The following PTCSC3 variants were observed in gnomAD, a reference collection of about 807,000 sequenced individuals.
PTCSC3 encodes papillary thyroid carcinoma susceptibility candidate 3 (non-protein coding).
At chr14:36,157,034 T>C (rs955529919) in intron 2 of PTCSC3, among the ~76,000 whole-genome samples, 1 of 152,196 alleles carries the variant, frequency 6.6e-6, no homozygotes, top group African/African-American at 2.4e-5. Flanking sequence ...CCACCAACAG[T>C]GTAAAAGCTT....
At chr14:36,160,722 A>G (rs886459356) in intron 2 of PTCSC3, among the ~76,000 whole-genome samples, 7 of 151,612 alleles carry the variant, frequency 4.6e-5, no homozygotes, top group African/African-American at 1.7e-4. Context: ...CTTCTTGAAG[A>G]GTATCTTTGT....
At chr14:36,151,489 C>T (rs1299781747) in intron 3 of PTCSC3, among the ~76,000 whole-genome samples, 1 of 152,110 alleles carries the variant, frequency 6.6e-6, no homozygotes, top group Non-Finnish European at 1.5e-5. Flanking sequence ...TCATTCTTCT[C>T]CTAGTATTCC....
At chr14:36,154,565 T>C (rs903325231) in intron 2 of PTCSC3, among the ~76,000 whole-genome samples, 2 of 152,134 alleles carry the variant, frequency 1.3e-5, no homozygotes, top group Non-Finnish European at 2.9e-5. Flanking sequence ...AGGAACTGTG[T>C]GAAAGATGGG....
intron 3 of PTCSC3, among the ~76,000 whole-genome samples, chr14:36,145,285 G>A (rs906516368): frequency 6.6e-6 from 1 of 150,836 alleles, no homozygotes; most frequent in African/African-American, 2.5e-5. Context: ...GAATCCATCT[G>A]GTCCTGGACT....
rs182147492 is a variant in PTCSC3, at chr14:36,139,226, A to G, written n.323-2870T>C. Among the ~76,000 whole-genome samples the G allele has an allele frequency of 5.4e-4, 82 of 152,240 alleles. 3 individuals are homozygous for G. Among genetic ancestry groups the G allele is most frequent in the Admixed American group, 4.6e-4 (7 of 15,288 alleles). ...AGAGCCTTGAACTGAAAACAATTGA[A>G]GGTAATTGTGGAATATCCATGCAAT... On this transcript the variant is annotated intron_variant and non_coding_transcript_variant, in intron 3 of 3. Coordinates refer to ENST00000556013, the Ensembl canonical transcript of PTCSC3.
At chr14:36,153,358 C>G (rs1335008722) in intron 3 of PTCSC3, among the ~76,000 whole-genome samples, 1 of 152,162 alleles carries the variant, frequency 6.6e-6, no homozygotes, top group Non-Finnish European at 1.5e-5. Flanking sequence ...AGCCATTGAG[C>G]CTATGAAAAC....
chr14:36,169,196 C>A (rs1481971152), intron 1 of PTCSC3, among the ~76,000 whole-genome samples: 1 of 152,060 alleles, frequency 6.6e-6, no homozygotes, highest in Non-Finnish European at 1.5e-5. Context: ...AGCTGTGGGA[C>A]AAACATACTG....
At chr14:36,162,258 G>GAAAAA (rs58223160) in intron 2 of PTCSC3, among the ~76,000 whole-genome samples, 2,571 of 106,296 alleles carry the variant, frequency 0.024, 93 homozygotes, top group Non-Finnish European at 0.031. Flanking sequence ...CTGGGGTATG[G>GAAAAA]AAAAAAAAAA....
intron 1 of PTCSC3, among the ~76,000 whole-genome samples, chr14:36,171,530 C>T (rs756768136): frequency 6.6e-6 from 1 of 152,150 alleles, no homozygotes; most frequent in South Asian, 2.1e-4. Flanking sequence ...ACTGAGTGAG[C>T]TTTCAGAGCC....
intron 2 of PTCSC3, among the ~76,000 whole-genome samples, chr14:36,154,916 A>G (rs901810973): frequency 4.6e-5 from 7 of 152,116 alleles, no homozygotes; most frequent in African/African-American, 1.4e-4. Flanking sequence ...AAATGAAGGA[A>G]TTTTTTCTGT....
chr14:36,151,674 C>G (rs1290774462), intron 3 of PTCSC3, among the ~76,000 whole-genome samples: 1 of 152,072 alleles, frequency 6.6e-6, no homozygotes, highest in Non-Finnish European at 1.5e-5. Flanking sequence ...TAGCCTTTTT[C>G]TCCCCTATGC....
At chr14:36,168,014 C>T (rs1305949828) in intron 1 of PTCSC3, among the ~76,000 whole-genome samples, 2 of 151,972 alleles carry the variant, frequency 1.3e-5, no homozygotes, top group Admixed American at 1.3e-4. Context: ...TTGGCCTGCA[C>T]GTTCCCAGGC....
chr14:36,147,701 G>T (rs1178180192), intron 3 of PTCSC3, among the ~76,000 whole-genome samples: 1 of 152,032 alleles, frequency 6.6e-6, no homozygotes, highest in Admixed American at 6.6e-5. Context: ...TCCTTTGCTG[G>T]TGAGGAACTG....
At chr14:36,172,918 G>A (rs896079642) in intron 1 of PTCSC3, among the ~76,000 whole-genome samples, 1 of 151,202 alleles carries the variant, frequency 6.6e-6, no homozygotes, top group African/African-American at 2.4e-5. Context: ...ATTGGCTCTT[G>A]TTAACATAAA....
intron 3 of PTCSC3, among the ~76,000 whole-genome samples, chr14:36,148,502 A>G (rs543101884): frequency 2.4e-4 from 36 of 152,286 alleles, no homozygotes; most frequent in Admixed American, 3.9e-4. Flanking sequence ...AAGTGATGCA[A>G]TGCCTCGCCC....
intron 2 of PTCSC3, among the ~76,000 whole-genome samples, chr14:36,161,464 C>G (rs569058134): frequency 4.9e-4 from 74 of 152,262 alleles, no homozygotes; most frequent in African/African-American, 1.7e-3. Context: ...TGTTAGTTTT[C>G]CTTCTGACAG....
intron 3 of PTCSC3, among the ~76,000 whole-genome samples, chr14:36,150,978 C>T (rs1004295885): frequency 1.1e-4 from 17 of 152,078 alleles, no homozygotes; most frequent in East Asian, 5.8e-4. Flanking sequence ...TAACACTCTT[C>T]CTTTGTTCAT....
At chr14:36,173,775 T>G (rs1192482992) in intron 1 of PTCSC3, among the ~76,000 whole-genome samples, 1 of 152,142 alleles carries the variant, frequency 6.6e-6, no homozygotes, top group Non-Finnish European at 1.5e-5. Context: ...GCAGGCAGGC[T>G]GGAAACGAAT....
chr14:36,147,464 A>G (rs1212033305), intron 3 of PTCSC3, among the ~76,000 whole-genome samples: 1 of 152,106 alleles, frequency 6.6e-6, no homozygotes, highest in African/African-American at 2.4e-5. Context: ...TCGGCTCCTG[A>G]GGCTTCTGCA....
Sources: gnomAD v4.1 joint callset for allele counts (sites outside exome capture counted in the v4.1 genomes callset) on GRCh38, gnomAD v4.1.1 for gene constraint, MANE v1.5 for transcripts, NCBI Gene and HGNC (gene_info 2026-07-23, HGNC 2026-07-21) for gene names.